Variants in KCNK10 observed in about 807,000 individuals in gnomAD.
KCNK10 encodes the protein potassium channel subfamily K member 10.
Under a neutral mutation model 47.7 loss-of-function variants are expected in KCNK10, and 25 were observed. The observed-to-expected ratio is 0.52, with a 90% CI of 0.38 to 0.73. The LOEUF is 0.73. Ranked by LOEUF, KCNK10 falls within the 30% of genes least tolerant of loss-of-function variation. The pLI, the probability that KCNK10 is intolerant of heterozygous loss-of-function variation, is 0.00. For missense variants in KCNK10, 563 were observed against 714.5 expected (o/e 0.79, Z 2.42); for synonymous variants, 303 against 285.6 (o/e 1.06, Z -0.61).
chr14:88,291,823 T>A (rs1887886006), intron 1 of KCNK10, among the ~76,000 whole-genome samples: 1 of 152,142 alleles, frequency 6.6e-6, no homozygotes, highest in African/African-American at 2.4e-5. Flanking sequence ...TTTCCCCATA[T>A]ATGGCAGCAC....
intron 1 of KCNK10, among the ~76,000 whole-genome samples, chr14:88,320,036 C>G (rs1240050698): frequency 6.6e-6 from 1 of 152,162 alleles, no homozygotes; most frequent in Non-Finnish European, 1.5e-5. Context: ...TCCTCCATCC[C>G]CTGGCTAGAA....
At chr14:88,289,542 C>T (rs1887834265) in intron 1 of KCNK10, among the ~76,000 whole-genome samples, 1 of 152,218 alleles carries the variant, frequency 6.6e-6, no homozygotes, top group Non-Finnish European at 1.5e-5. Flanking sequence ...GGAGCTCTGC[C>T]CACTGGCCCT....
intron 3 of KCNK10, among the ~76,000 whole-genome samples, chr14:88,233,203 G>A (rs1433929735): frequency 6.6e-6 from 1 of 152,172 alleles, no homozygotes; most frequent in African/African-American, 2.4e-5. Context: ...AACACTTCCT[G>A]GGTAGCACCA....
chr14:88,326,135 C>T (rs1457314692), upstream of KCNK10, among the ~76,000 whole-genome samples: 9 of 151,512 alleles, frequency 5.9e-5, no homozygotes, highest in Non-Finnish European at 5.9e-5. Context: ...CTCTCACCTC[C>T]ACTTTCATTC....
Position 88,186,300 on chromosome 14 carries a change from C to T in KCNK10, c.1012-145G>A. On this transcript the variant is annotated intron_variant, in intron 6 of 6. Transcript: ENST00000319231. The surrounding 1 kb of genome is among the most constrained non-coding windows in gnomAD (Gnocchi z 5.5). ...CAGGGGGAGGTGCAAATGCTACCTT[C>T]TGCCCTAGTACTTCTGCCACCTGGA... 1.0e-6 allele frequency: 1 copy of T among 998,462 alleles called. No homozygotes were observed. Among genetic ancestry groups the T allele is most frequent in the Non-Finnish European group, 1.4e-6 (1 of 701,742 alleles). 61.9% of individuals were successfully genotyped at this position (998,462 alleles called of 1,614,324 possible). A position where few individuals can be genotyped will look rare whatever the true frequency, so the allele number is the denominator to read the frequency against.
At chr14:88,209,976 G>A (rs1432343134) in intron 4 of KCNK10, among the ~76,000 whole-genome samples, 2 of 152,226 alleles carry the variant, frequency 1.3e-5, no homozygotes, top group Non-Finnish European at 2.9e-5. Flanking sequence ...GGCAAGACAA[G>A]GCAGGTGCTT....
At chr14:88,303,861 A>G (rs1888155595) in intron 1 of KCNK10, among the ~76,000 whole-genome samples, 1 of 152,110 alleles carries the variant, frequency 6.6e-6, no homozygotes, top group African/African-American at 2.4e-5. Flanking sequence ...ACTCCCTCCA[A>G]TGTGAAGTCC....
At position 88,186,285 on chromosome 14, in the gene KCNK10, T is replaced by C. The variant is rs1020718285; in HGVS notation, c.1012-130A>G. ...GACGGAGCACATGCCCAGGGGGAGG[T>C]GCAAATGCTACCTTCTGCCCTAGTA... On this transcript the variant is annotated intron_variant, in intron 6 of 6. Coordinates refer to ENST00000319231, the MANE Select transcript of KCNK10 (RefSeq NM_138317.3). The surrounding 1 kb of genome is among the most constrained non-coding windows in gnomAD (Gnocchi z 5.5). 8.1e-5 allele frequency: 90 copies of C among 1,110,268 alleles called. No homozygotes were observed. Among genetic ancestry groups the C allele is most frequent in the Non-Finnish European group, 1.1e-4 (86 of 801,654 alleles). 68.8% of individuals were successfully genotyped at this position (1,110,268 alleles called of 1,614,324 possible). A position where few individuals can be genotyped will look rare whatever the true frequency, so the allele number is the denominator to read the frequency against.
At chr14:88,312,590 TGTCA>T in intron 1 of KCNK10, among the ~76,000 whole-genome samples, 1 of 152,302 alleles carries the variant, frequency 6.6e-6, no homozygotes, top group Non-Finnish European at 1.5e-5. Flanking sequence ...AAAGTTAAGT[TGTCA>T]GTCACTGAAT....
chr14:88,189,641 C>G (rs1255913833), intron 5 of KCNK10, among the ~76,000 whole-genome samples: 1 of 152,052 alleles, frequency 6.6e-6, no homozygotes, highest in East Asian at 1.9e-4. Flanking sequence ...GACAGAGTTG[C>G]GAAATATTGT....
chr14:88,185,434 T>G lies in KCNK10; in HGVS notation c.*101A>C, dbSNP rs1349835527. 5 of 1,462,802 alleles carry G rather than the reference T, an allele frequency of 3.4e-6. No individual in the cohort carries two copies. The Admixed American group carries it at 1.1e-4, about 33-fold the overall frequency. 90.6% of individuals were successfully genotyped at this position (1,462,802 alleles called of 1,614,324 possible). A position where few individuals can be genotyped will look rare whatever the true frequency, so the allele number is the denominator to read the frequency against. On this transcript the variant is annotated 3_prime_UTR_variant, in exon 7 of 7. Transcript: ENST00000319231. This position sits in a 1 kb window ranked among gnomAD's most constrained non-coding sequence, Gnocchi z 4.3. ...TATATTCTTCAATGCTATGTAATTT[T>G]GGACTAAAAAGTCTGTTTAAGGCAC...
At chr14:88,239,892 A>G (rs1445017889) in intron 3 of KCNK10, among the ~76,000 whole-genome samples, 3 of 77,106 alleles carry the variant, frequency 3.9e-5, no homozygotes, top group African/African-American at 1.6e-4. Context: ...AAAATAAAAT[A>G]AAATAAAATA....
At chr14:88,325,650 A>G (rs1242523922), upstream of KCNK10, among the ~76,000 whole-genome samples, 1 of 150,990 alleles carries the variant, frequency 6.6e-6, no homozygotes, top group Non-Finnish European at 1.5e-5. Flanking sequence ...TCGTTTGGGT[A>G]ATGAAGGTCT....
intron 4 of KCNK10, among the ~76,000 whole-genome samples, chr14:88,214,206 T>G (rs1036171353): frequency 1.3e-5 from 2 of 152,134 alleles, no homozygotes; most frequent in Non-Finnish European, 2.9e-5. Context: ...CCCAAAGTGC[T>G]GGGATTACAG....
intron 4 of KCNK10, among the ~76,000 whole-genome samples, chr14:88,219,451 C>G (rs372216993): frequency 6.6e-6 from 1 of 152,190 alleles, no homozygotes; most frequent in East Asian, 1.9e-4. Context: ...GAGAAGCTGC[C>G]TGGGTTGCAG....
intron 4 of KCNK10, among the ~76,000 whole-genome samples, chr14:88,207,319 C>T (rs908473020): frequency 1.3e-5 from 2 of 152,006 alleles, no homozygotes; most frequent in African/African-American, 4.8e-5. Flanking sequence ...ACTACAGGGG[C>T]CCGCCATCGC....
At chr14:88,232,983 T>C (rs1886196550) in intron 3 of KCNK10, among the ~76,000 whole-genome samples, 1 of 152,184 alleles carries the variant, frequency 6.6e-6, no homozygotes, top group Admixed American at 6.5e-5. Context: ...TCAAAGATGA[T>C]GACAGATGGC....
intron 4 of KCNK10, among the ~76,000 whole-genome samples, chr14:88,196,697 ACATG>A (rs956159509): frequency 4.6e-5 from 7 of 152,216 alleles, no homozygotes. Context: ...CAGAAGCTAA[ACATG>A]CAGAGCTCAG....
At position 88,185,482 on chromosome 14, in the gene KCNK10, AACACACACAC is replaced by A; in HGVS notation, c.*43_*52del. ...CACATGTCTCAGTGTGAATATTAAA[AACACACACAC>A]ACACACACACAACGCTCAGTCCAAG... On this transcript the variant is annotated 3_prime_UTR_variant, in exon 7 of 7. Transcript: ENST00000319231. This position sits in a 1 kb window ranked among gnomAD's most constrained non-coding sequence, Gnocchi z 4.3. 1 of 1,421,534 alleles carries A rather than the reference AACACACACAC, an allele frequency of 7.0e-7. No homozygotes were observed. The highest frequency in any genetic ancestry group is 1.4e-5 in the African/African-American group (1 of 70,228). 88.1% of individuals were successfully genotyped at this position (1,421,534 alleles called of 1,614,324 possible). A position where few individuals can be genotyped will look rare whatever the true frequency, so the allele number is the denominator to read the frequency against.
Sources: gnomAD v4.1 joint callset for allele counts (sites outside exome capture counted in the v4.1 genomes callset) on GRCh38, gnomAD v4.1.1 for gene constraint, Gnocchi (gnomAD v3.1) non-coding constraint, MANE v1.5 for transcripts, NCBI Gene and HGNC (gene_info 2026-07-23, HGNC 2026-07-21) for gene names.